IQUB: variants seen among roughly 807,000 people sequenced by gnomAD.
IQUB encodes IQ motif and ubiquitin domain containing.
IQUB carries 86 observed loss-of-function variants against 86.4 expected under a neutral mutation model. The observed-to-expected ratio is 1.00, with a 90% CI of 0.84 to 1.19. The LOEUF (loss-of-function observed/expected upper bound fraction) is 1.19, where lower values mean the gene tolerates loss of function less well. Among genes scored for constraint, IQUB ranks in the 50% most tolerant of loss-of-function variants. The probability of loss-of-function intolerance (pLI) is 0.00; values close to 1 mark genes in which losing one functional copy is unlikely to be tolerated. For synonymous variants in IQUB, 289 were observed against 304.5 expected, an observed-to-expected ratio of 0.95 and a Z score of 0.53; for missense variants, 946 against 916.9, an observed-to-expected ratio of 1.03 and a Z score of -0.41.
intron 7 of IQUB, among the ~76,000 whole-genome samples, chr7:123,493,731 A>ATGTGTGTGTGTGTGTGTGTG (rs71161484): frequency 8.0e-5 from 9 of 112,566 alleles, no homozygotes; most frequent in South Asian, 3.3e-4. Context: ...ATGTGTGTGT[A>ATGTGTGTGTGTGTGTGTGTG]TGTGTGTGTG....
rs917141713 is a variant in IQUB at position 123,452,259 on chromosome 7, A to C, written c.*484T>G. On this transcript the variant is annotated 3_prime_UTR_variant, in exon 13 of 13. Coordinates refer to ENST00000324698, the MANE Select transcript of IQUB (RefSeq NM_178827.5). ...AAGGTGAAAGCAGACGATAAACTGC[A>C]AAGATTCAAATGCCTATACTAAAAT... The C allele has an allele frequency of 6.7e-6, 1 of 149,592 alleles. No homozygotes were observed. Among genetic ancestry groups the C allele is most frequent in the African/African-American group, 2.6e-5 (1 of 38,972 alleles). 9.3% of individuals were successfully genotyped at this position (149,592 alleles called of 1,614,324 possible).
rs776810199 is a variant in IQUB, at chr7:123,479,397, TC to T, written c.1410+397del. ...AAAAATACTAGTCTATAGCTATTTC[TC>T]CCAGGTTGCTTACCATCAGAGCACC... On this transcript the variant is annotated intron_variant, in intron 8 of 12. Coordinates refer to ENST00000324698, the MANE Select transcript of IQUB (RefSeq NM_178827.5). 2.5e-4 allele frequency among the ~76,000 whole-genome samples: 38 copies of T among 152,230 alleles called. 1 individual carries two copies. The highest frequency in any genetic ancestry group is 6.8e-3 in the Middle Eastern group (2 of 294).
chr7:123,462,470 C>T (rs927854449), intron 10 of IQUB, among the ~76,000 whole-genome samples: 18 of 151,734 alleles, frequency 1.2e-4, no homozygotes, highest in East Asian at 5.8e-4. Context: ...CTCTACTCTG[C>T]GTTACTTTTC....
intron 6 of IQUB, among the ~76,000 whole-genome samples, chr7:123,500,360 A>G (rs1240477080): frequency 6.6e-6 from 1 of 152,182 alleles, no homozygotes; most frequent in Non-Finnish European, 1.5e-5. Flanking sequence ...ATGAAAGAAC[A>G]AAAAAAGAAA....
chr7:123,507,429 A>G (rs1796230160), intron 3 of IQUB, among the ~76,000 whole-genome samples: 1 of 152,222 alleles, frequency 6.6e-6, no homozygotes, highest in Non-Finnish European at 1.5e-5. Context: ...TACTAAATGC[A>G]TTTTTGACAT....
chr7:123,510,636 T>C (rs1416005588), intron 2 of IQUB, among the ~76,000 whole-genome samples: 5 of 152,244 alleles, frequency 3.3e-5, no homozygotes, highest in African/African-American at 4.8e-5. Context: ...AGAAGTAGTA[T>C]AGAATAAAGA....
chr7:123,496,817 C>T lies in IQUB; in HGVS notation c.1113G>A (p.Trp371Ter). ...TCTTCCTTAGTTCTTGCTGTGTTTCCCATTCCAGTCTTAAGCTTTTCTGTC... is the reference window on the plus strand; with the variant it reads ...TCTTCCTTAGTTCTTGCTGTGTTTCTCATTCCAGTCTTAAGCTTTTCTGTC... ...LRRQKSLRLEWETQQELRKIR... is the reference protein window; with the variant it reads ...LRRQKSLRLE The change falls in exon 7 of 13, where the codon TGG (tryptophan) becomes TGA (stop). Residue 371 changes from tryptophan to a stop codon, truncating the protein, a stop_gained. Coordinates refer to ENST00000324698, the MANE Select transcript of IQUB (RefSeq NM_178827.5). LOFTEE classifies it high-confidence loss of function. The T allele has an allele frequency of 6.2e-7, 1 of 1,612,338 alleles. No homozygotes were observed. Among genetic ancestry groups the T allele is most frequent in the African/African-American group, 1.3e-5 (1 of 74,936 alleles).
At chr7:123,467,141 T>TA (rs1248293336) in intron 9 of IQUB, among the ~76,000 whole-genome samples, 2 of 151,882 alleles carry the variant, frequency 1.3e-5, no homozygotes, top group Non-Finnish European at 2.9e-5. Context: ...TTATTTAATT[T>TA]ATTTACACTG....
intron 8 of IQUB, among the ~76,000 whole-genome samples, chr7:123,472,540 A>T (rs1232372359): frequency 2.0e-5 from 3 of 152,200 alleles, no homozygotes; most frequent in Non-Finnish European, 1.5e-5. Context: ...GCTATGAAGC[A>T]CTTAACTGGT....
intron 1 of IQUB, among the ~76,000 whole-genome samples, chr7:123,514,777 G>A (rs989219381): frequency 1.3e-5 from 2 of 152,026 alleles, no homozygotes; most frequent in African/African-American, 4.8e-5. Flanking sequence ...AGTCTCCAAT[G>A]TCTATTATTC....
In IQUB at chr7:123,510,140, T is replaced by A. The variant is rs1917708; in HGVS notation, c.398-105A>T. ...AATTATGTGTTAATTTTTAATTACA[T>A]AGAATACAAGTTGTTCTTGCTAGTG... is the stretch of plus-strand genomic sequence containing the variant. On this transcript the variant is annotated intron_variant, in intron 2 of 12. Transcript: ENST00000324698. 3.4e-5 allele frequency: 24 copies of A among 700,082 alleles called. No homozygotes were observed. In the East Asian group the frequency reaches 6.2e-4, roughly 18 times the overall value. 43.4% of individuals were successfully genotyped at this position (700,082 alleles called of 1,614,324 possible).
intron 8 of IQUB, among the ~76,000 whole-genome samples, chr7:123,474,124 T>C (rs1457916595): frequency 6.6e-6 from 1 of 152,172 alleles, no homozygotes; most frequent in African/African-American, 2.4e-5. Context: ...ATTGTTTCAA[T>C]AAACCACACA....
intron 7 of IQUB, among the ~76,000 whole-genome samples, chr7:123,485,203 A>C (rs1037425771): frequency 2.0e-5 from 3 of 152,128 alleles, no homozygotes; most frequent in Admixed American, 6.6e-5. Context: ...CAAGACTAAT[A>C]TGTCAACAGG....
At chr7:123,498,137 C>T (rs1172236474) in intron 6 of IQUB, among the ~76,000 whole-genome samples, 3 of 151,810 alleles carry the variant, frequency 2.0e-5, no homozygotes, top group Non-Finnish European at 4.4e-5. Flanking sequence ...TACATTTCCC[C>T]TAAAATCATG....
At chr7:123,483,365 G>A (rs369089244) in intron 7 of IQUB, among the ~76,000 whole-genome samples, 2 of 152,056 alleles carry the variant, frequency 1.3e-5, no homozygotes, top group East Asian at 3.8e-4. Flanking sequence ...TCTTTCAGAT[G>A]GAGATTATTA....
intron 12 of IQUB, among the ~76,000 whole-genome samples, chr7:123,455,176 T>C (rs575107317): frequency 6.6e-6 from 1 of 152,250 alleles, no homozygotes; most frequent in South Asian, 2.1e-4. Flanking sequence ...GATACATATA[T>C]CATGATCAGA....
chr7:123,486,199 G>A (rs1056222956), intron 7 of IQUB, among the ~76,000 whole-genome samples: 2 of 152,166 alleles, frequency 1.3e-5, no homozygotes, highest in Non-Finnish European at 2.9e-5. Flanking sequence ...GAAACTGGAA[G>A]AAAGGAAAAA....
rs563369336 is a variant in IQUB at position 123,454,212 on chromosome 7, AAACT to A, written c.2194-1291_2194-1288del. Among the ~76,000 whole-genome samples, 102 of 152,254 alleles carry A rather than the reference AAACT, an allele frequency of 6.7e-4. 1 individual carries two copies. Among genetic ancestry groups the A allele is most frequent in the African/African-American group, 2.2e-3 (93 of 41,574 alleles). ...TCTTAGCCCATATTTCATTCAAGAA[AAACT>A]AACACACTTTATTATGCTATATTAA... On this transcript the variant is annotated intron_variant, in intron 12 of 12. Coordinates refer to ENST00000324698, the MANE Select transcript of IQUB (RefSeq NM_178827.5).
intron 7 of IQUB, among the ~76,000 whole-genome samples, chr7:123,492,076 A>T (rs1795496745): frequency 6.6e-6 from 1 of 152,182 alleles, no homozygotes; most frequent in African/African-American, 2.4e-5. Context: ...ATGTGAGATC[A>T]CAGTGAGAAG....
Sources: allele counts gnomAD v4.1 joint callset (sites outside exome capture counted in the v4.1 genomes callset), GRCh38; gene constraint gnomAD v4.1.1; transcripts MANE v1.5; gene names NCBI Gene and HGNC (gene_info 2026-07-23, HGNC 2026-07-21).